Variants in DAB1 observed in about 807,000 individuals in gnomAD.
The protein encoded by DAB1 is disabled homolog 1.
DAB1 carries 15 observed loss-of-function variants against 64.6 expected under a neutral mutation model. The observed-to-expected ratio is 0.23, with a 90% CI of 0.16 to 0.36. The LOEUF (loss-of-function observed/expected upper bound fraction) is 0.36, where lower values mean the gene tolerates loss of function less well. Among genes scored for constraint, DAB1 ranks in the 10% least tolerant of loss-of-function variants. The probability of loss-of-function intolerance (pLI) is 1.00; values close to 1 mark genes in which losing one functional copy is unlikely to be tolerated. For missense variants in DAB1, 596 were observed against 706.7 expected (o/e 0.84, Z 1.78); for synonymous variants, 235 against 251.9 (o/e 0.93, Z 0.64).
At chr1:57,802,844 T>C (rs1296205236) in intron 6 of DAB1, among the ~76,000 whole-genome samples, 1 of 152,172 alleles carries the variant, frequency 6.6e-6, no homozygotes, top group East Asian at 1.9e-4. Context: ...ATAAATTGCC[T>C]AGTTTTTGGT....
intron 1 of DAB1, among the ~76,000 whole-genome samples, chr1:58,542,253 A>G (rs1249900179): frequency 6.6e-6 from 1 of 152,198 alleles, no homozygotes; most frequent in East Asian, 1.9e-4. Context: ...CTTTGTTTTT[A>G]CTTTTTTGAA....
intron 6 of DAB1, among the ~76,000 whole-genome samples, chr1:57,760,056 A>ACT (rs35274421): frequency 0.18 from 26,613 of 151,990 alleles, 3,014 homozygotes; most frequent in Admixed American, 0.29. Context: ...TTCTCCACAA[A>ACT]TGAAGTTTGT....
At chr1:58,477,112 A>G (rs1466995221) in intron 3 of DAB1, among the ~76,000 whole-genome samples, 1 of 152,196 alleles carries the variant, frequency 6.6e-6, no homozygotes, top group Non-Finnish European at 1.5e-5. Flanking sequence ...TTGAATGCAT[A>G]CTTGGACCAC....
chr1:57,195,857 C>CT (rs1315745322), intron 2 of DAB1, among the ~76,000 whole-genome samples: 1 of 152,346 alleles, frequency 6.6e-6, no homozygotes, highest in East Asian at 1.9e-4. Flanking sequence ...TAGAAGTAGT[C>CT]TAAGTGCCCA....
intron 3 of DAB1, among the ~76,000 whole-genome samples, chr1:58,348,856 A>G (rs1397162926): frequency 6.6e-6 from 1 of 152,218 alleles, no homozygotes; most frequent in Non-Finnish European, 1.5e-5. Flanking sequence ...GAACAAAGGA[A>G]GACTTGGCAG....
At chr1:57,469,261 A>G (rs993916938) in intron 7 of DAB1, among the ~76,000 whole-genome samples, 7 of 152,204 alleles carry the variant, frequency 4.6e-5, no homozygotes, top group African/African-American at 1.7e-4. Flanking sequence ...AACAATTAAC[A>G]TATGCAAAGC....
intron 1 of DAB1, among the ~76,000 whole-genome samples, chr1:57,858,704 ACT>A (rs1254023894): frequency 6.6e-6 from 1 of 150,490 alleles, no homozygotes; most frequent in Non-Finnish European, 1.5e-5. Context: ...TTCATTTCAA[ACT>A]CTCTCTCTTT....
At chr1:58,327,087 T>A (rs1301471284) in intron 4 of DAB1, among the ~76,000 whole-genome samples, 1 of 152,220 alleles carries the variant, frequency 6.6e-6, no homozygotes, top group East Asian at 1.9e-4. Flanking sequence ...ATTCCTGTCA[T>A]TTGATTAAAA....
intron 1 of DAB1, among the ~76,000 whole-genome samples, chr1:57,303,398 A>ATCTC (rs1673840039): frequency 6.6e-6 from 1 of 152,134 alleles, no homozygotes; most frequent in African/African-American, 2.4e-5. Context: ...CCTGGGACAG[A>ATCTC]TCTCTCCCCA....
At chr1:57,536,795 C>T (rs1040235547) in intron 7 of DAB1, among the ~76,000 whole-genome samples, 1 of 152,182 alleles carries the variant, frequency 6.6e-6, no homozygotes, top group Non-Finnish European at 1.5e-5. Context: ...CTCCCACCCC[C>T]GCCAGCCTAT....
intron 2 of DAB1, among the ~76,000 whole-genome samples, chr1:58,507,774 A>C (rs1223093264): frequency 6.6e-6 from 1 of 152,130 alleles, no homozygotes; most frequent in Non-Finnish European, 1.5e-5. Context: ...CACCCAGAGG[A>C]CTATGCCCCT....
intron 2 of DAB1, among the ~76,000 whole-genome samples, chr1:57,233,780 AT>A (rs1297843512): frequency 6.6e-6 from 1 of 151,922 alleles, no homozygotes; most frequent in Non-Finnish European, 1.5e-5. Flanking sequence ...AAATAAAAAA[AT>A]AAACCTGCTG....
intron 7 of DAB1, among the ~76,000 whole-genome samples, chr1:57,506,651 C>A (rs552342191): frequency 6.6e-6 from 1 of 152,264 alleles, no homozygotes; most frequent in Admixed American, 6.5e-5. Flanking sequence ...CCATCATTGA[C>A]CTCCCCAGAG....
intron 5 of DAB1, among the ~76,000 whole-genome samples, chr1:58,001,631 T>A (rs1325444): frequency 6.6e-6 from 1 of 152,082 alleles, no homozygotes; most frequent in Non-Finnish European, 1.5e-5. Flanking sequence ...TTAGGAAAGG[T>A]CTCATTGTCA....
intron 9 of DAB1, among the ~76,000 whole-genome samples, chr1:57,037,707 T>C (rs1647219196): frequency 6.6e-6 from 1 of 152,236 alleles, no homozygotes; most frequent in African/African-American, 2.4e-5. Flanking sequence ...TCTAGGAGTT[T>C]ATGCTATGCT....
intron 2 of DAB1, among the ~76,000 whole-genome samples, chr1:57,259,191 G>C (rs1417897735): frequency 6.6e-6 from 1 of 152,112 alleles, no homozygotes; most frequent in African/African-American, 2.4e-5. Context: ...CCAGGCCACT[G>C]TCTGACCTCT....
chr1:58,375,082 T>C (rs1263943219), intron 3 of DAB1, among the ~76,000 whole-genome samples: 1 of 143,706 alleles, frequency 7.0e-6, no homozygotes, highest in Non-Finnish European at 1.5e-5. Flanking sequence ...GATTTTGGGC[T>C]GAGACGATGG....
At chr1:57,503,862 T>C (rs1285736520) in intron 7 of DAB1, among the ~76,000 whole-genome samples, 1 of 152,222 alleles carries the variant, frequency 6.6e-6, no homozygotes, top group Non-Finnish European at 1.5e-5. Context: ...TAGTACCCTC[T>C]ACTTATGTAT....
chr1:57,869,268 C>CT (rs1264446252), intron 1 of DAB1, among the ~76,000 whole-genome samples: 1 of 152,054 alleles, frequency 6.6e-6, no homozygotes, highest in Non-Finnish European at 1.5e-5. Flanking sequence ...ATGGCCATGG[C>CT]TAAGTTCCTG....
Sources: gnomAD v4.1 joint callset for allele counts (sites outside exome capture counted in the v4.1 genomes callset) on GRCh38, gnomAD v4.1.1 for gene constraint, MANE v1.5 for transcripts, NCBI Gene and HGNC (gene_info 2026-07-23, HGNC 2026-07-21) for gene names.